The following TRIM33 variants were observed in gnomAD, a reference collection of about 807,000 sequenced individuals.
The protein encoded by TRIM33 is E3 ubiquitin-protein ligase TRIM33.
Under a neutral mutation model 125.4 loss-of-function variants are expected in TRIM33, and 20 were observed. The ratio of observed to expected loss-of-function variants is 0.16; its 90% CI spans 0.11 to 0.23. The LOEUF (loss-of-function observed/expected upper bound fraction) is 0.23. Ranked by LOEUF, TRIM33 falls within the 10% of genes least tolerant of loss-of-function variation. The pLI, the probability that TRIM33 is intolerant of heterozygous loss-of-function variation, is 1.00. For synonymous variants in TRIM33, 564 were observed against 513.9 expected (o/e 1.10, Z -1.32); for missense variants, 920 against 1,411.4 (o/e 0.65, Z 5.58).
intron 1 of TRIM33, among the ~76,000 whole-genome samples, chr1:114,490,111 G>GAAAA (rs1651970618): frequency 6.1e-5 from 7 of 115,538 alleles, no homozygotes; most frequent in African/African-American, 1.0e-4. Flanking sequence ...AAAAGAAAAG[G>GAAAA]AAAGGAAAGA....
rs1334658490 is a variant in TRIM33 at position 114,510,899 on chromosome 1, C to G, written c.178G>C (p.Ala60Pro). Reference sequence around the variant, plus strand: ...GCCACCCCCCCGTCGTCGGGCCCGGCCGCGCCGCCCTCAGCGCCGGCCCTG... The same window carrying G: ...GCCACCCCCCCGTCGTCGGGCCCGGGCGCGCCGCCCTCAGCGCCGGCCCTG... Reference protein sequence around the residue: ...GGRAGAEGGAAGPDDGGVAAA... With the variant: ...GGRAGAEGGAPGPDDGGVAAA... Residue 60 changes from alanine (A) to proline (P), a missense_variant, in exon 1 of 20, where the codon GCC (alanine) becomes CCC (proline). Coordinates refer to ENST00000358465, the MANE Select transcript of TRIM33 (RefSeq NM_015906.4). The G allele has an allele frequency of 7.0e-7, 1 of 1,424,514 alleles. No individual in the cohort carries two copies. Among genetic ancestry groups the G allele is most frequent in the Non-Finnish European group, 9.1e-7 (1 of 1,096,914 alleles). 88.2% of individuals were successfully genotyped at this position (1,424,514 alleles called of 1,614,324 possible). A position where few individuals can be genotyped will look rare whatever the true frequency, so the allele number is the denominator to read the frequency against.
At chr1:114,462,767 CT>C (rs1230817302) in intron 4 of TRIM33, among the ~76,000 whole-genome samples, 34 of 152,072 alleles carry the variant, frequency 2.2e-4, no homozygotes, top group Non-Finnish European at 2.9e-4. Flanking sequence ...AAGAATACTG[CT>C]TTTGTAGATT....
intron 4 of TRIM33, among the ~76,000 whole-genome samples, chr1:114,454,004 C>T (rs1572073199): frequency 6.6e-6 from 1 of 152,312 alleles, no homozygotes; most frequent in East Asian, 1.9e-4. Flanking sequence ...CTGTAATAAA[C>T]ATAACTGTGA....
intron 1 of TRIM33, among the ~76,000 whole-genome samples, chr1:114,500,733 C>G (rs1652657855): frequency 6.7e-6 from 1 of 150,058 alleles, no homozygotes; most frequent in African/African-American, 2.5e-5. Flanking sequence ...TATTATAAAG[C>G]TACTAAGAAC....
chr1:114,402,034 T>C (rs1282091253), intron 16 of TRIM33, among the ~76,000 whole-genome samples: 2 of 152,208 alleles, frequency 1.3e-5, no homozygotes, highest in African/African-American at 4.8e-5. Flanking sequence ...TCTTCACAGA[T>C]AGTGGATGAG....
intron 1 of TRIM33, among the ~76,000 whole-genome samples, chr1:114,508,971 C>A (rs1653168853): frequency 6.6e-6 from 1 of 152,114 alleles, no homozygotes; most frequent in Non-Finnish European, 1.5e-5. Context: ...CAAACCCTAC[C>A]GTTCCCCCAA....
intron 4 of TRIM33, among the ~76,000 whole-genome samples, chr1:114,442,833 A>G (rs570850795): frequency 1.3e-5 from 2 of 152,222 alleles, no homozygotes; most frequent in East Asian, 3.9e-4. Flanking sequence ...TATTCTTAAA[A>G]GATTGTAAAA....
chr1:114,404,157 C>T (rs768926389), intron 15 of TRIM33, among the ~76,000 whole-genome samples: 4 of 152,120 alleles, frequency 2.6e-5, no homozygotes, highest in East Asian at 3.9e-4. Context: ...TTTTTAGAGA[C>T]GGAGTCCTGC....
At chr1:114,496,691 CATTTA>C (rs1442004575) in intron 1 of TRIM33, among the ~76,000 whole-genome samples, 4 of 152,116 alleles carry the variant, frequency 2.6e-5, no homozygotes, top group African/African-American at 7.2e-5. Context: ...ATAAAATTCT[CATTTA>C]ATTGGGAAAA....
At chr1:114,413,564 A>C (rs1029423097) in intron 11 of TRIM33, among the ~76,000 whole-genome samples, 13 of 143,892 alleles carry the variant, frequency 9.0e-5, no homozygotes, top group Non-Finnish European at 1.5e-4. Flanking sequence ...ATCTCAAAAA[A>C]AAAAAAAAAG....
In TRIM33 at chr1:114,425,482, A is replaced by C; in HGVS notation, c.1662T>G (p.Pro554=). 2 of 1,614,000 alleles carry C rather than the reference A, an allele frequency of 1.2e-6. No homozygotes were observed. The highest frequency in any genetic ancestry group is 1.7e-6 in the Non-Finnish European group (2 of 1,179,964). The stretch of plus-strand genomic sequence containing the variant: ...GTAACATCTGAGGGGCTGCTTGTCT[A>C]GGATGCTGTTGTGTTGTTGTTGTTG... The part of the protein sequence containing the change: ...PTTTTTTQQH[P]RQAAPQMLQQ... Residue 554 remains proline (P), a synonymous_variant, in exon 9 of 20, where the codon CCT becomes CCG. Coordinates refer to ENST00000358465, the MANE Select transcript of TRIM33 (RefSeq NM_015906.4).
chr1:114,473,840 T>C (rs926138389), intron 1 of TRIM33, among the ~76,000 whole-genome samples: 5 of 152,070 alleles, frequency 3.3e-5, no homozygotes, highest in African/African-American at 4.8e-5. Flanking sequence ...TAAATGAGAA[T>C]GAATTAAATA....
chr1:114,410,586 A>G (rs571922247), intron 11 of TRIM33, among the ~76,000 whole-genome samples: 1 of 152,190 alleles, frequency 6.6e-6, no homozygotes, highest in Non-Finnish European at 1.5e-5. Context: ...ATGCTCTGAC[A>G]CTTCTGCTGT....
At chr1:114,503,580 G>A (rs1652831258) in intron 1 of TRIM33, among the ~76,000 whole-genome samples, 1 of 152,026 alleles carries the variant, frequency 6.6e-6, no homozygotes, top group Non-Finnish European at 1.5e-5. Flanking sequence ...AATAAGCTAC[G>A]CAGATCTTTG....
intron 1 of TRIM33, among the ~76,000 whole-genome samples, chr1:114,492,375 G>C (rs1652124148): frequency 6.6e-6 from 1 of 152,052 alleles, no homozygotes; most frequent in South Asian, 2.1e-4. Flanking sequence ...TTTGCCATTT[G>C]AACTATTATG....
chr1:114,475,838 A>T (rs1031366702), intron 1 of TRIM33, among the ~76,000 whole-genome samples: 8 of 152,116 alleles, frequency 5.3e-5, no homozygotes, highest in Admixed American at 3.9e-4. Context: ...CCCCATCTCT[A>T]GAAAAACTTT....
intron 4 of TRIM33, among the ~76,000 whole-genome samples, chr1:114,443,268 C>G (rs1191454892): frequency 6.6e-6 from 1 of 152,046 alleles, no homozygotes; most frequent in East Asian, 1.9e-4. Flanking sequence ...CCTGTAATCC[C>G]AGCTACTCAG....
intron 4 of TRIM33, among the ~76,000 whole-genome samples, chr1:114,442,890 G>C (rs896445386): frequency 1.3e-5 from 2 of 151,704 alleles, no homozygotes; most frequent in Non-Finnish European, 2.9e-5. Context: ...TATCTAACTA[G>C]CCTGGAATAG....
chr1:114,489,233 T>C (rs764349211), intron 1 of TRIM33, among the ~76,000 whole-genome samples: 6 of 152,186 alleles, frequency 3.9e-5, no homozygotes, highest in Admixed American at 6.5e-5. Context: ...GATATCCTTG[T>C]GCAAAAGAAT....
Sources: gnomAD v4.1 joint callset for allele counts (sites outside exome capture counted in the v4.1 genomes callset) on GRCh38, gnomAD v4.1.1 for gene constraint, MANE v1.5 for transcripts, NCBI Gene and HGNC (gene_info 2026-07-23, HGNC 2026-07-21) for gene names.